Variants in SEC61A2 observed in about 807,000 individuals in gnomAD.
The protein encoded by SEC61A2 is protein transport protein Sec61 subunit alpha isoform 2.
SEC61A2 carries 28 observed loss-of-function variants against 59.9 expected under a neutral mutation model. The ratio of observed to expected loss-of-function variants is 0.47; its 90% confidence interval spans 0.35 to 0.64. SEC61A2 has a LOEUF of 0.64. Among genes scored for constraint, SEC61A2 ranks in the 30% least tolerant of loss-of-function variants. SEC61A2 has a pLI of 0.01. For missense variants in SEC61A2, 340 were observed against 585.9 expected (o/e 0.58, Z 4.33); for synonymous variants, 202 against 214.4 (o/e 0.94, Z 0.50).
rs876089 is a variant in SEC61A2 at position 12,164,194 on chromosome 10, G to T, written c.1245-74G>T. The stretch of plus-strand genomic sequence containing the variant: ...GACCCAGCTATGGCTGCTGCGCCTC[G>T]ACCTGTCTTCGTCTCTAGCTGCCGT... On this transcript the variant is annotated intron_variant, in intron 11 of 11. Coordinates refer to ENST00000298428, the MANE Select transcript of SEC61A2 (RefSeq NM_018144.4). The surrounding 1 kb of genome is among the most constrained non-coding windows in gnomAD (Gnocchi z 7.3). The T allele has an allele frequency of 0.5, 775,319 of 1,549,588 alleles. 195,979 individuals are homozygous for T. Among genetic ancestry groups the T allele is most frequent in the South Asian group, 0.64 (54,790 of 85,580 alleles).
rs529386529 is a variant in SEC61A2, at chr10:12,130,784, A to G, written c.7+990A>G. ...GCTGCAAAAGTAATTGCGGTTTTCA[A>G]TTACTTCTCAAAAACCGCAGTTACT... is the stretch of plus-strand genomic sequence containing the variant. On this transcript the variant is annotated intron_variant, in intron 1 of 11. Coordinates refer to ENST00000298428, the MANE Select transcript of SEC61A2 (RefSeq NM_018144.4). 1.5e-3 allele frequency: 229 copies of G among 154,154 alleles called. 1 individual carries two copies. Among genetic ancestry groups the G allele is most frequent in the African/African-American group, 5.3e-3 (219 of 41,648 alleles). 9.5% of individuals were successfully genotyped at this position (154,154 alleles called of 1,614,324 possible).
At position 12,149,913 on chromosome 10, in the gene SEC61A2, G is replaced by A. The variant is rs1834236671; in HGVS notation, c.414G>A (p.Gly138=). Residue 138 remains glycine, a synonymous_variant, in exon 6 of 12, where the codon GGG becomes GGA. Coordinates refer to ENST00000298428, the MANE Select transcript of SEC61A2 (RefSeq NM_018144.4). The surrounding 1 kb of genome is among the most constrained non-coding windows in gnomAD (Gnocchi z 5.2). The stretch of plus-strand genomic sequence containing the variant: ...TGTATGTCATGACGGGGATGTATGG[G>A]GACCCTGCAGAAATGGGTGCCGGAA... ...AIVYVMTGMY[G]DPAEMGAGIC... The A allele has an allele frequency of 6.2e-7, 1 of 1,613,900 alleles. No homozygotes were observed. Among genetic ancestry groups the A allele is most frequent in the South Asian group, 1.1e-5 (1 of 91,084 alleles).
downstream of SEC61A2, among the ~76,000 whole-genome samples, chr10:12,168,763 A>AT (rs979927469): frequency 1.1e-4 from 17 of 149,606 alleles, no homozygotes; most frequent in South Asian, 2.1e-4. This position sits in a 1 kb window ranked among gnomAD's most constrained non-coding sequence, Gnocchi z 4.8. Flanking sequence ...TCTTTTTTTA[A>AT]TTTTTTTTTT....
chr10:12,159,003 A>G (rs11257571), intron 9 of SEC61A2, among the ~76,000 whole-genome samples: 77,458 of 146,618 alleles, frequency 0.53, 20,491 homozygotes, highest in South Asian at 0.64. Flanking sequence ...TTTGAGACGG[A>G]GTCTCGCTGT....
downstream of SEC61A2, chr10:12,166,662 T>G (rs1486753646): frequency 2.1e-6 from 1 of 482,610 alleles, no homozygotes; most frequent in Non-Finnish European, 4.3e-6. Context: ...AAACATGACT[T>G]AGGGCTGGAT....
chr10:12,156,231 G>T lies in SEC61A2; in HGVS notation c.616+300G>T, dbSNP rs1433878726. 6.6e-6 allele frequency among the ~76,000 whole-genome samples: 1 copy of T among 152,198 alleles called. No homozygotes were observed. Among genetic ancestry groups the T allele is most frequent in the African/African-American group, 2.4e-5 (1 of 41,448 alleles). On this transcript the variant is annotated intron_variant, in intron 7 of 11. Transcript: ENST00000298428. The surrounding 1 kb of genome is among the most constrained non-coding windows in gnomAD (Gnocchi z 5.2). ...TGCTGCAGAAGTCATTTATTTGACT[G>T]ATTTCAGCATCCGTAGGGGGATAAA...
At chr10:12,130,816 C>G (rs1199984945) in intron 1 of SEC61A2, 3 of 153,266 alleles carry the variant, frequency 2.0e-5, no homozygotes, top group African/African-American at 4.8e-5. Flanking sequence ...TACTTTTGCA[C>G]CAACCTAATA....
chr10:12,132,769 C>T (rs1252000957), intron 1 of SEC61A2, among the ~76,000 whole-genome samples: 1 of 152,210 alleles, frequency 6.6e-6, no homozygotes, highest in Non-Finnish European at 1.5e-5. Context: ...TCCTGTCTTC[C>T]TCCTCTGATA....
intron 3 of SEC61A2, among the ~76,000 whole-genome samples, chr10:12,137,614 T>C (rs1001199448): frequency 3.9e-5 from 6 of 152,092 alleles, no homozygotes; most frequent in Admixed American, 6.6e-5. Flanking sequence ...CCAATGATAC[T>C]TTCAAATAAA....
chr10:12,149,164 A>T lies in SEC61A2; in HGVS notation c.221-431A>T, dbSNP rs1434139288. ...GAGTGCAGTGGCGCAATCTCGGCTT[A>T]CTGCAACCTCTGCCTTCCAGGTTTA... is the stretch of plus-strand genomic sequence containing the variant. On this transcript the variant is annotated intron_variant, in intron 4 of 11. Coordinates refer to ENST00000298428, the MANE Select transcript of SEC61A2 (RefSeq NM_018144.4). The surrounding 1 kb of genome is among the most constrained non-coding windows in gnomAD (Gnocchi z 5.2). 6.6e-6 allele frequency among the ~76,000 whole-genome samples: 1 copy of T among 151,810 alleles called. No individual in the cohort carries two copies. Among genetic ancestry groups the T allele is most frequent in the African/African-American group, 2.4e-5 (1 of 41,290 alleles).
intron 6 of SEC61A2, among the ~76,000 whole-genome samples, chr10:12,151,316 CTT>C (rs532543581): frequency 4.7e-4 from 65 of 138,042 alleles, no homozygotes; most frequent in African/African-American, 1.4e-3. Context: ...TTTTTCTTTT[CTT>C]TTTTTTTTTT....
In SEC61A2 at chr10:12,156,097, A is replaced by G. The variant is rs1445093411; in HGVS notation, c.616+166A>G. Among the ~76,000 whole-genome samples the G allele has an allele frequency of 2.6e-5, 4 of 152,238 alleles. No individual in the cohort carries two copies. Among genetic ancestry groups the G allele is most frequent in the Non-Finnish European group, 4.4e-5 (3 of 68,034 alleles). On this transcript the variant is annotated intron_variant, in intron 7 of 11. Transcript: ENST00000298428. The surrounding 1 kb of genome is among the most constrained non-coding windows in gnomAD (Gnocchi z 5.2). ...TGAGCAGAGATTTGTGGAGTAAGCAATACTACCTCAGAGAGAATAGTATCA... is the reference window on the plus strand; with the variant it reads ...TGAGCAGAGATTTGTGGAGTAAGCAGTACTACCTCAGAGAGAATAGTATCA...
intron 3 of SEC61A2, among the ~76,000 whole-genome samples, chr10:12,140,411 G>T (rs997598247): frequency 6.6e-6 from 1 of 152,138 alleles, no homozygotes; most frequent in South Asian, 2.1e-4. Context: ...CCCACCTGTT[G>T]TTGTACATGA....
chr10:12,131,262 AACGTAATCACTC>A (rs1833730775), intron 1 of SEC61A2, among the ~76,000 whole-genome samples: 1 of 152,254 alleles, frequency 6.6e-6, no homozygotes, highest in African/African-American at 2.4e-5. Context: ...CAACTACAGA[AACGTAATCACTC>A]ACGTCAGCTT....
intron 8 of SEC61A2, among the ~76,000 whole-genome samples, chr10:12,157,340 CT>C (rs909065396): frequency 6.6e-6 from 1 of 150,936 alleles, no homozygotes; most frequent in Admixed American, 6.6e-5. Flanking sequence ...CTTTTCTTTT[CT>C]TTTTTTTTCC....
At chr10:12,166,308 G>A (rs1053403), downstream of SEC61A2, 64,414 of 154,304 alleles carry the variant, frequency 0.42, 13,503 homozygotes, top group East Asian at 0.53. Context: ...AAGAGTTAGA[G>A]CTTTGGAGAA....
downstream of SEC61A2, chr10:12,167,356 C>T (rs1490709287): frequency 1.0e-5 from 2 of 193,056 alleles, no homozygotes; most frequent in Non-Finnish European, 2.2e-5. Flanking sequence ...TGGAAATGAC[C>T]TAATTGAGAA....
chr10:12,156,926 A>G lies in SEC61A2; in HGVS notation c.636A>G (p.Ala212=). ...NTGRGTEFEG[A]VIALFHLLAT... is the part of the protein sequence containing the mutation. Reference sequence around the variant, plus strand: ...TTACAGGTACTGAGTTTGAGGGTGCAGTCATAGCTCTGTTCCATTTGTTGG... The same window carrying G: ...TTACAGGTACTGAGTTTGAGGGTGCGGTCATAGCTCTGTTCCATTTGTTGG... The change falls in exon 8 of 12, where the codon GCA becomes GCG. Residue 212 remains alanine, a synonymous_variant. Coordinates refer to ENST00000298428, the MANE Select transcript of SEC61A2 (RefSeq NM_018144.4). This position sits in a 1 kb window ranked among gnomAD's most constrained non-coding sequence, Gnocchi z 5.2. 6.2e-7 allele frequency: 1 copy of G among 1,613,858 alleles called. No homozygotes were observed. The highest frequency in any genetic ancestry group is 8.5e-7 in the Non-Finnish European group (1 of 1,179,876).
rs2131687601 is a variant in SEC61A2, at chr10:12,165,238, A to G, written c.*784A>G. On this transcript the variant is annotated 3_prime_UTR_variant, in exon 12 of 12. Transcript: ENST00000298428. ...CCCTAAAGCAAAGATCTAATTCTCA[A>G]GCAATGTCTGTAGTTCAGTGGGGGT... 2.0e-6 allele frequency: 2 copies of G among 985,448 alleles called. No homozygotes were observed. The highest frequency in any genetic ancestry group is 9.4e-5 in the South Asian group (2 of 21,280). 61.0% of individuals were successfully genotyped at this position (985,448 alleles called of 1,614,324 possible). A position where few individuals can be genotyped will look rare whatever the true frequency, so the allele number is the denominator to read the frequency against.
Sources: allele counts gnomAD v4.1 joint callset (sites outside exome capture counted in the v4.1 genomes callset), GRCh38; gene constraint gnomAD v4.1.1; non-coding constraint Gnocchi (gnomAD v3.1); transcripts MANE v1.5; gene names NCBI Gene and HGNC (gene_info 2026-07-23, HGNC 2026-07-21).